ZER1: variants seen among roughly 807,000 people sequenced by gnomAD.
ZER1 encodes zyg-11 related cell cycle regulator.
Under a neutral mutation model 78.8 loss-of-function variants are expected in ZER1, and 11 were observed. The ratio of observed to expected loss-of-function variants is 0.14; its 90% CI spans 0.09 to 0.23. The LOEUF (loss-of-function observed/expected upper bound fraction) is 0.23. ZER1 is among the 10% of genes least tolerant of loss of function. The pLI is 1.00. For synonymous variants in ZER1, 400 were observed against 407.0 expected, an observed-to-expected ratio of 0.98 and a Z score of 0.21; for missense variants, 588 against 996.9, an observed-to-expected ratio of 0.59 and a Z score of 5.52.
intron 1 of ZER1, among the ~76,000 whole-genome samples, chr9:128,766,088 C>T (rs1412471388): frequency 1.3e-5 from 2 of 152,238 alleles, no homozygotes; most frequent in African/African-American, 2.4e-5. Context: ...TGGAGGCTCA[C>T]GCCTCTAATC....
intron 14 of ZER1, among the ~76,000 whole-genome samples, chr9:128,734,144 A>AAATATATATATATATAT: frequency 6.9e-5 from 1 of 14,446 alleles, no homozygotes; most frequent in Non-Finnish European, 1.4e-4. Flanking sequence ...AAAAAAAAAA[A>AAATATATATATATATAT]ATATATATAT....
rs1453024724 is a variant in ZER1, at chr9:128,730,177, G to A, written c.*1160C>T. 1 of 152,684 alleles carries A rather than the reference G, an allele frequency of 6.5e-6. No homozygotes were observed. Among genetic ancestry groups the A allele is most frequent in the Non-Finnish European group, 1.5e-5 (1 of 68,216 alleles). The allele number at this position is 152,684 out of a possible 1,614,324, so 9.5% of individuals were successfully genotyped here. On this transcript the variant is annotated 3_prime_UTR_variant, in exon 16 of 16. Coordinates refer to ENST00000291900, the MANE Select transcript of ZER1 (RefSeq NM_006336.4). ...CTCCCCAGGCCCCTGCGCTCCACAA[G>A]TGTCCGATGAGAAGCAATGCAGTGT...
intron 15 of ZER1, chr9:128,733,144 G>A: frequency 5.2e-6 from 2 of 385,816 alleles, no homozygotes; most frequent in Non-Finnish European, 9.7e-6. Flanking sequence ...CTAATACCCA[G>A]TGATAAAAGG....
chr9:128,755,285 A>G lies in ZER1; in HGVS notation c.158+123T>C, dbSNP rs1863819792. ...TGCAGCCATGAACATCCATGTGCAC[A>G]CACACACACCCTCACACATTCATCT... On this transcript the variant is annotated intron_variant, in intron 2 of 15. Coordinates refer to ENST00000291900, the MANE Select transcript of ZER1 (RefSeq NM_006336.4). The surrounding 1 kb of genome is among the most constrained non-coding windows in gnomAD (Gnocchi z 5.6). The G allele has an allele frequency of 1.5e-6, 2 of 1,376,152 alleles. No homozygotes were observed. The highest frequency in any genetic ancestry group is 1.3e-5 in the South Asian group (1 of 77,120). 85.2% of individuals were successfully genotyped at this position (1,376,152 alleles called of 1,614,324 possible).
intron 13 of ZER1, among the ~76,000 whole-genome samples, chr9:128,737,280 C>A (rs1369861992): frequency 6.6e-6 from 1 of 152,080 alleles, no homozygotes; most frequent in African/African-American, 2.4e-5. Context: ...CCACCGCATC[C>A]GGCCTGTGAC....
chr9:128,735,531 C>T (rs1863036797), intron 13 of ZER1, 100 bp from the exon 14 acceptor site: 1 of 1,149,124 alleles, frequency 8.7e-7, no homozygotes. Flanking sequence ...TAGTGACCAA[C>T]CATGATAGGC....
chr9:128,768,627 G>C (rs1410264475), intron 1 of ZER1, among the ~76,000 whole-genome samples: 1 of 152,140 alleles, frequency 6.6e-6, no homozygotes, highest in Non-Finnish European at 1.5e-5. Context: ...TAAGTGCTCT[G>C]ACCTTTCATT....
At chr9:128,766,883 A>C (rs1269425696) in intron 1 of ZER1, among the ~76,000 whole-genome samples, 1 of 147,980 alleles carries the variant, frequency 6.8e-6, no homozygotes, top group Non-Finnish European at 1.5e-5. Context: ...CAGTGTGTCC[A>C]GCTTTCCAAG....
chr9:128,759,121 C>T (rs569067177), intron 1 of ZER1, among the ~76,000 whole-genome samples: 3 of 151,526 alleles, frequency 2.0e-5, no homozygotes, highest in African/African-American at 4.8e-5. Flanking sequence ...CTCAGCCTCC[C>T]GAGTAGCTGG....
rs369886479 is a variant in ZER1, at chr9:128,751,155, G to A, written c.1152C>T (p.Ile384=). 15 of 1,601,954 alleles carry A rather than the reference G, an allele frequency of 9.4e-6. No homozygotes were observed. The highest frequency in any genetic ancestry group is 1.1e-5 in the Non-Finnish European group (13 of 1,171,752). ...CCCGCAGCAGCTGGTTGCAACGCTC[G>A]ATGCGGGCGATGTCAAAAAGCAAGT... The part of the protein sequence containing the change: ...AINLLFDIAR[I]ERCNQLLRAL... The change falls in exon 7 of 16, where the codon ATC becomes ATT. Residue 384 remains isoleucine, a synonymous_variant. Transcript: ENST00000291900. This position sits in a 1 kb window ranked among gnomAD's most constrained non-coding sequence, Gnocchi z 5.4.
In ZER1 at chr9:128,733,535, G is replaced by A. The variant is rs1862914184; in HGVS notation, c.2141-7C>T. ...AGAGGGCAGTACTTGTCCGCTGTGGGATAGGAGCAGACAGCAGAGGATCAG... is the reference window on the plus strand; with the variant it reads ...AGAGGGCAGTACTTGTCCGCTGTGGAATAGGAGCAGACAGCAGAGGATCAG... On this transcript the variant is annotated splice_region_variant and splice_polypyrimidine_tract_variant and intron_variant, in intron 14 of 15. Coordinates refer to ENST00000291900, the MANE Select transcript of ZER1 (RefSeq NM_006336.4). 6.2e-7 allele frequency: 1 copy of A among 1,611,062 alleles called. No individual in the cohort carries two copies. The highest frequency in any genetic ancestry group is 1.3e-5 in the African/African-American group (1 of 74,882).
intron 8 of ZER1, 84 bp downstream of exon 8, chr9:128,750,532 C>A: frequency 6.6e-7 from 1 of 1,504,004 alleles, no homozygotes; most frequent in Admixed American, 1.8e-5. Context: ...CAGCCCAGAG[C>A]CGGGGGAGCC....
intron 8 of ZER1, among the ~76,000 whole-genome samples, chr9:128,749,628 AGGC>A (rs1863612116): frequency 6.7e-6 from 1 of 150,366 alleles, no homozygotes; most frequent in African/African-American, 2.5e-5. Flanking sequence ...TACATAAATT[AGGC>A]AGGTGTGGTG....
Position 128,751,513 on chromosome 9 carries a change from T to C in ZER1, c.938A>G (p.Lys313Arg). 6.2e-7 allele frequency: 1 copy of C among 1,613,616 alleles called. No individual in the cohort carries two copies. Among genetic ancestry groups the C allele is most frequent in the Non-Finnish European group, 8.5e-7 (1 of 1,180,018 alleles). Residue 313 changes from lysine (K) to arginine (R), a missense_variant, in exon 6 of 16, where the codon AAG becomes AGG. Coordinates refer to ENST00000291900, the MANE Select transcript of ZER1 (RefSeq NM_006336.4). The surrounding 1 kb of genome is among the most constrained non-coding windows in gnomAD (Gnocchi z 5.4). ...AGCCCGGAAAGGTATGATGCTGCTC[T>C]TGGAAGGCTCAATGCTGGGGAAAGA... Reference protein sequence around the residue: ...EAGQTSIEPSKSSIIPFRALK... With the variant: ...EAGQTSIEPSRSSIIPFRALK...
At position 128,734,178 on chromosome 9, in the gene ZER1, AT is replaced by A. The variant is rs200141718; in HGVS notation, c.2141-651del. Reference sequence around the variant, plus strand: ...ATATATATATAAAATCTTAAAAAAAATATATATATATATATAATAGATATAA... The same window carrying A: ...ATATATATATAAAATCTTAAAAAAAAATATATATATATATAATAGATATAA... On this transcript the variant is annotated intron_variant, in intron 14 of 15. Coordinates refer to ENST00000291900, the MANE Select transcript of ZER1 (RefSeq NM_006336.4). 1.6e-3 allele frequency among the ~76,000 whole-genome samples: 132 copies of A among 84,020 alleles called. 6 individuals carry two copies. The highest frequency in any genetic ancestry group is 0.015 in the East Asian group (33 of 2,240). 55.1% of individuals were successfully genotyped at this position (84,020 alleles called of 152,430 possible). A position where few individuals can be genotyped will look rare whatever the true frequency, so the allele number is the denominator to read the frequency against.
At chr9:128,739,731 G>C (rs1337582299) in intron 13 of ZER1, among the ~76,000 whole-genome samples, 200 bp downstream of exon 13, 1 of 152,030 alleles carries the variant, frequency 6.6e-6, no homozygotes, top group African/African-American at 2.4e-5. Context: ...TATGACAAAT[G>C]CTCCAGGCTG....
Position 128,764,976 on chromosome 9 carries a change from G to C in ZER1, c.-95+6605C>G, listed in dbSNP as rs1281811981. Among the ~76,000 whole-genome samples, 6 of 152,158 alleles carry C rather than the reference G, an allele frequency of 3.9e-5. No individual in the cohort carries two copies. The East Asian group carries it at 9.6e-4, about 24-fold the overall frequency. ...AACAGCACCAGCAGCAGCAGCAGCAGAAGGCACCGCCATACCACGTCCATG... is the reference window on the plus strand; with the variant it reads ...AACAGCACCAGCAGCAGCAGCAGCACAAGGCACCGCCATACCACGTCCATG... On this transcript the variant is annotated intron_variant, in intron 1 of 15. Coordinates refer to ENST00000291900, the MANE Select transcript of ZER1 (RefSeq NM_006336.4).
At chr9:128,735,901 CTGAG>C (rs1349725918) in intron 13 of ZER1, among the ~76,000 whole-genome samples, 5 of 150,136 alleles carry the variant, frequency 3.3e-5, no homozygotes, top group African/African-American at 1.2e-4. Flanking sequence ...CCTCAGCCTC[CTGAG>C]TAACTGAGAC....
chr9:128,753,134 A>G lies in ZER1; in HGVS notation c.746+30T>C, dbSNP rs1589534562. 1.3e-6 allele frequency: 2 copies of G among 1,502,358 alleles called. No individual in the cohort carries two copies. The highest frequency in any genetic ancestry group is 1.8e-6 in the Non-Finnish European group (2 of 1,123,456). The allele number at this position is 1,502,358 out of a possible 1,614,324, so 93.1% of individuals were successfully genotyped here. On this transcript the variant is annotated intron_variant, in intron 4 of 15. Transcript: ENST00000291900. This position sits in a 1 kb window ranked among gnomAD's most constrained non-coding sequence, Gnocchi z 7.5. ...CCTCCCCACCTGCCCCCCAAACCCC[A>G]CCCTGGTGAGCTCTGGGCCAGGAGC...
Sources: gnomAD v4.1 joint callset for allele counts (sites outside exome capture counted in the v4.1 genomes callset) on GRCh38, gnomAD v4.1.1 for gene constraint, Gnocchi (gnomAD v3.1) non-coding constraint, MANE v1.5 for transcripts, NCBI Gene and HGNC (gene_info 2026-07-23, HGNC 2026-07-21) for gene names.